Variants in PIKFYVE observed in about 807,000 individuals in gnomAD.
The protein encoded by PIKFYVE is phosphoinositide kinase, FYVE-type zinc finger containing.
A neutral mutation model predicts 257.9 loss-of-function variants in PIKFYVE; 122 were observed. The ratio of observed to expected loss-of-function variants is 0.47; its 90% CI spans 0.41 to 0.55. PIKFYVE has a LOEUF of 0.55. Ranked by LOEUF, PIKFYVE falls within the 20% of genes least tolerant of loss-of-function variation. The pLI, the probability that PIKFYVE is intolerant of heterozygous loss-of-function variation, is 0.00. For missense variants in PIKFYVE, 2,160 were observed against 2,536.6 expected, an observed-to-expected ratio of 0.85 and a Z score of 3.19; for synonymous variants, 892 against 868.9, an observed-to-expected ratio of 1.03 and a Z score of -0.47.
At chr2:208,347,787 T>TG (rs1384851085) in intron 34 of PIKFYVE, 72 bp from the exon 35 acceptor site, 1 of 1,339,602 alleles carries the variant, frequency 7.5e-7, no homozygotes. Context: ...AACAAAGAAA[T>TG]GAGCTGAAAA....
intron 40 of PIKFYVE, 59 bp downstream of exon 40, chr2:208,354,218 G>A: frequency 6.4e-7 from 1 of 1,557,902 alleles, no homozygotes; most frequent in East Asian, 2.2e-5. Context: ...AAATTTTAAA[G>A]ATTCTATTGA....
intron 12 of PIKFYVE, among the ~76,000 whole-genome samples, chr2:208,305,853 A>G (rs1173719034): frequency 6.6e-6 from 1 of 152,222 alleles, no homozygotes; most frequent in African/African-American, 2.4e-5. Flanking sequence ...TAACTGAAAA[A>G]TCATTATTAT....
intron 10 of PIKFYVE, among the ~76,000 whole-genome samples, chr2:208,302,898 G>T (rs2125338648): frequency 6.6e-6 from 1 of 152,136 alleles, no homozygotes; most frequent in South Asian, 2.1e-4. Context: ...TGGCTAACAT[G>T]GTGAAATCCC....
intron 34 of PIKFYVE, among the ~76,000 whole-genome samples, chr2:208,347,566 C>G (rs75558614): frequency 0.037 from 5,698 of 152,188 alleles, 334 homozygotes; most frequent in African/African-American, 0.13. Context: ...GAAAGGCTTT[C>G]TAGATAATTC....
At position 208,336,143 on chromosome 2, in the gene PIKFYVE, A is replaced by G. The variant is rs1332468826; in HGVS notation, c.4463A>G (p.Glu1488Gly). 1.2e-6 allele frequency: 2 copies of G among 1,614,074 alleles called. No homozygotes were observed. Among genetic ancestry groups the G allele is most frequent in the Admixed American group, 3.3e-5 (2 of 60,020 alleles). The change falls in exon 27 of 42, where the codon GAG becomes GGG. Residue 1488 changes from glutamate to glycine, a missense_variant. Physicochemically the swap from Glu to Gly is moderately conservative, Grantham distance 98. Transcript: ENST00000264380. ...CCTCAGCAACTGCAGTCGGTCTTTG[A>G]GTCACTCATTGCCAAGAAACAAAGT... Reference protein sequence around the residue: ...DTPQQLQSVFESLIAKKQSLC... With the variant: ...DTPQQLQSVFGSLIAKKQSLC...
At chr2:208,347,745 A>C in intron 34 of PIKFYVE, 114 bp from the exon 35 acceptor site, 1 of 883,558 alleles carries the variant, frequency 1.1e-6, no homozygotes, top group South Asian at 1.5e-5. Flanking sequence ...TGCATTACTC[A>C]GATTGATTAG....
Position 208,333,317 on chromosome 2 carries a change from A to G in PIKFYVE, c.3966A>G (p.Val1322=). 1 of 1,614,042 alleles carries G rather than the reference A, an allele frequency of 6.2e-7. No homozygotes were observed. Among genetic ancestry groups the G allele is most frequent in the African/African-American group, 1.3e-5 (1 of 75,054 alleles). ...AAACTATTTTTGCTGAATTCCAGGT[A>G]ACACCAGTTGTTGCTCTTTCCAATG... ...TYSWCRICKQ[V]TPVVALSNES... The change falls in exon 24 of 42, where the codon GTA becomes GTG. Residue 1322 remains valine (V), a splice_region_variant and synonymous_variant. Coordinates refer to ENST00000264380, the MANE Select transcript of PIKFYVE (RefSeq NM_015040.4).
Position 208,312,338 on chromosome 2 carries a change from T to C in PIKFYVE, c.1696+43T>C, listed in dbSNP as rs200911489. On this transcript the variant is annotated intron_variant, in intron 13 of 41. Coordinates refer to ENST00000264380, the MANE Select transcript of PIKFYVE (RefSeq NM_015040.4). Reference sequence around the variant, plus strand: ...TGTATGTGGAATGGTGTCTCTTTTTTTCATGAGGATATACTTAGGGCTTAG... The same window carrying C: ...TGTATGTGGAATGGTGTCTCTTTTTCTCATGAGGATATACTTAGGGCTTAG... 49 of 1,463,154 alleles carry C rather than the reference T, an allele frequency of 3.3e-5. No homozygotes were observed. The East Asian group carries it at 9.7e-4, about 29-fold the overall frequency. 90.6% of individuals were successfully genotyped at this position (1,463,154 alleles called of 1,614,324 possible). A position where few individuals can be genotyped will look rare whatever the true frequency, so the allele number is the denominator to read the frequency against.
rs1693615775 is a variant in PIKFYVE, at chr2:208,301,048, A to G, written c.1162A>G (p.Lys388Glu). 6.2e-7 allele frequency: 1 copy of G among 1,614,190 alleles called. No homozygotes were observed. Residue 388 changes from lysine (K) to glutamate (E), a missense_variant, in exon 9 of 42, where the codon AAG becomes GAG. By Grantham distance (56) the Lys-to-Glu change is moderately conservative. Transcript: ENST00000264380. ...LRTHPNCIVG[K>E]ELVNWLIRNG... The stretch of plus-strand genomic sequence containing the variant: ...AACGCATCCCAACTGCATTGTAGGA[A>G]AGGAATTAGTCAACTGGCTAATCCG...
rs1468356977 is a variant in PIKFYVE, at chr2:208,356,676, G to GAAAGT, written c.*1372_*1376dup. On this transcript the variant is annotated 3_prime_UTR_variant, in exon 42 of 42. Transcript: ENST00000264380. Reference sequence around the variant, plus strand: ...CAAAAAACAAAACGAAACAAAAAAAGAAAGTTATTCTTAGTAAGGAACTTC... The same window carrying GAAAGT: ...CAAAAAACAAAACGAAACAAAAAAAGAAAGTAAAGTTATTCTTAGTAAGGAACTTC... 2 of 152,378 alleles carry GAAAGT rather than the reference G, an allele frequency of 1.3e-5. No homozygotes were observed. The highest frequency in any genetic ancestry group is 2.9e-5 in the Non-Finnish European group (2 of 67,974). 9.4% of individuals were successfully genotyped at this position (152,378 alleles called of 1,614,324 possible). A position where few individuals can be genotyped will look rare whatever the true frequency, so the allele number is the denominator to read the frequency against.
Position 208,327,369 on chromosome 2 carries a change from A to G in PIKFYVE, c.3619-811A>G, listed in dbSNP as rs141392938. Among the ~76,000 whole-genome samples, 397 of 152,320 alleles carry G rather than the reference A, an allele frequency of 2.6e-3. 1 individual carries two copies. The highest frequency in any genetic ancestry group is 8.6e-3 in the African/African-American group (359 of 41,576). Reference sequence around the variant, plus strand: ...TATAATCTATCCTGCAGAAATAATTAAGTATGCTTATATAAGGGTGCTTGC... The same window carrying G: ...TATAATCTATCCTGCAGAAATAATTGAGTATGCTTATATAAGGGTGCTTGC... On this transcript the variant is annotated intron_variant, in intron 20 of 41. Transcript: ENST00000264380.
At chr2:208,329,815 G>A in intron 21 of PIKFYVE, 27 bp from the exon 22 acceptor site, 1 of 1,608,624 alleles carries the variant, frequency 6.2e-7, no homozygotes, top group African/African-American at 1.3e-5. Flanking sequence ...TAATTCTTAT[G>A]TTTCTAAGAG....
chr2:208,282,223 C>G (rs1690904983), intron 5 of PIKFYVE, among the ~76,000 whole-genome samples: 1 of 152,206 alleles, frequency 6.6e-6, no homozygotes, highest in South Asian at 2.1e-4. Context: ...TATCAGTGTT[C>G]TCTTTACTAC....
chr2:208,268,377 A>G (rs1215609945), intron 1 of PIKFYVE, among the ~76,000 whole-genome samples: 1 of 149,982 alleles, frequency 6.7e-6, no homozygotes, highest in Non-Finnish European at 1.5e-5. Context: ...GCTGTTTTCC[A>G]GGGGTGGTTG....
chr2:208,351,327 AAC>A, intron 37 of PIKFYVE, 23 bp from the exon 38 acceptor site: 1 of 1,487,196 alleles, frequency 6.7e-7, no homozygotes, highest in Non-Finnish European at 9.4e-7. Flanking sequence ...TGATTGAGTA[AAC>A]ACATAAAATT....
At chr2:208,298,260 T>A (rs575541045) in intron 7 of PIKFYVE, among the ~76,000 whole-genome samples, 1 of 152,264 alleles carries the variant, frequency 6.6e-6, no homozygotes, top group Admixed American at 6.5e-5. Flanking sequence ...AAAAAAAAAA[T>A]CCACTAACTT....
At chr2:208,273,814 A>G (rs1689743253) in intron 3 of PIKFYVE, 81 bp downstream of exon 3, 1 of 1,542,346 alleles carries the variant, frequency 6.5e-7, no homozygotes, top group Admixed American at 1.7e-5. Flanking sequence ...TGTTTATAGC[A>G]GGACTTAACT....
rs534781876 is a variant in PIKFYVE at position 208,316,747 on chromosome 2, A to G, written c.2008-1120A>G. Reference sequence around the variant, plus strand: ...ACTTCAAACTATACTACAAGGCTACAGTAACCAAAACAGCGTGGTACTGGT... The same window carrying G: ...ACTTCAAACTATACTACAAGGCTACGGTAACCAAAACAGCGTGGTACTGGT... On this transcript the variant is annotated intron_variant, in intron 15 of 41. Transcript: ENST00000264380. Among the ~76,000 whole-genome samples, 315 of 152,352 alleles carry G rather than the reference A, an allele frequency of 2.1e-3. 2 individuals are homozygous for G. Among genetic ancestry groups the G allele is most frequent in the African/African-American group, 7.2e-3 (299 of 41,580 alleles).
At chr2:208,336,597 A>G (rs1574693602) in intron 27 of PIKFYVE, among the ~76,000 whole-genome samples, 1 of 151,978 alleles carries the variant, frequency 6.6e-6, no homozygotes, top group Non-Finnish European at 1.5e-5. Context: ...TATTTTTTAG[A>G]AGTATTTTTC....
Sources: gnomAD v4.1 joint callset for allele counts (sites outside exome capture counted in the v4.1 genomes callset) on GRCh38, gnomAD v4.1.1 for gene constraint, MANE v1.5 for transcripts, NCBI Gene and HGNC (gene_info 2026-07-23, HGNC 2026-07-21) for gene names.